CCDC40: variants seen among roughly 807,000 people sequenced by gnomAD.
CCDC40 encodes coiled-coil domain-containing protein 40.
A neutral mutation model predicts 124.5 loss-of-function variants in CCDC40; 104 were observed. That is an observed-to-expected ratio of 0.84 (90% confidence interval 0.71 to 0.98). The LOEUF is 0.98. Among genes scored for constraint, CCDC40 ranks in the 50% least tolerant of loss-of-function variants. The pLI is 0.00. For missense variants in CCDC40, 1,463 were observed against 1,503.9 expected (o/e 0.97, Z 0.45); for synonymous variants, 580 against 602.9 (o/e 0.96, Z 0.56).
At chr17:80,089,090 C>G (rs975462329) in intron 16 of CCDC40, among the ~76,000 whole-genome samples, 4 of 152,230 alleles carry the variant, frequency 2.6e-5, no homozygotes, top group Non-Finnish European at 5.9e-5. Context: ...CTTCACTTCC[C>G]AGAAAACCAA....
chr17:80,042,616 T>G (rs1233055296), intron 3 of CCDC40, among the ~76,000 whole-genome samples: 1 of 152,236 alleles, frequency 6.6e-6, no homozygotes, highest in African/African-American at 2.4e-5. Flanking sequence ...AAAAAGACAG[T>G]TAACTTCTTC....
chr17:80,099,803 GC>G lies in CCDC40; in HGVS notation c.*30del. On this transcript the variant is annotated 3_prime_UTR_variant, in exon 20 of 20. Coordinates refer to ENST00000397545, the MANE Select transcript of CCDC40 (RefSeq NM_017950.4). The stretch of plus-strand genomic sequence containing the variant: ...AGCAGCCTGGACTCCGCCTTGCAAG[GC>G]CTCCAGGAAGAGATCCGGAATTGTG... 1 of 1,610,140 alleles carries G rather than the reference GC, an allele frequency of 6.2e-7. No individual in the cohort carries two copies. Among genetic ancestry groups the G allele is most frequent in the Non-Finnish European group, 8.5e-7 (1 of 1,179,364 alleles).
chr17:80,087,533 C>A lies in CCDC40; in HGVS notation c.2450-74C>A. On this transcript the variant is annotated intron_variant, in intron 14 of 19. Transcript: ENST00000397545. This position sits in a 1 kb window ranked among gnomAD's most constrained non-coding sequence, Gnocchi z 4.5. ...GAGAGACAAAACCTGGCTCACCTCT[C>A]GGACACTGCTGCCTGCGGGCGAGGA... 8.0e-7 allele frequency: 1 copy of A among 1,248,744 alleles called. No individual in the cohort carries two copies. The highest frequency in any genetic ancestry group is 1.2e-6 in the Non-Finnish European group (1 of 857,296). 77.4% of individuals were successfully genotyped at this position (1,248,744 alleles called of 1,614,324 possible).
chr17:80,042,441 C>T (rs1484995000), intron 3 of CCDC40, among the ~76,000 whole-genome samples: 1 of 152,056 alleles, frequency 6.6e-6, no homozygotes, highest in African/African-American at 2.4e-5. Flanking sequence ...TTTTTGATGC[C>T]ATTATAAATG....
At chr17:80,071,195 G>A (rs1436510861) in intron 10 of CCDC40, among the ~76,000 whole-genome samples, 1 of 152,180 alleles carries the variant, frequency 6.6e-6, no homozygotes, top group Non-Finnish European at 1.5e-5. Flanking sequence ...ATTCACACAC[G>A]CCTGGGACTT....
intron 4 of CCDC40, among the ~76,000 whole-genome samples, chr17:80,047,791 T>C (rs2037467790): frequency 6.6e-6 from 1 of 152,162 alleles, no homozygotes; most frequent in East Asian, 1.9e-4. Context: ...ACCCCAGGCC[T>C]GAATCTGTCT....
At chr17:80,090,055 G>A (rs2038670220) in intron 17 of CCDC40, 171 bp downstream of exon 17, 4 of 1,537,108 alleles carry the variant, frequency 2.6e-6, no homozygotes, top group African/African-American at 1.4e-5. Flanking sequence ...CTCCAGCAGA[G>A]TGACCTGCAC....
At chr17:80,070,545 G>C (rs551493616) in intron 10 of CCDC40, among the ~76,000 whole-genome samples, 3 of 152,314 alleles carry the variant, frequency 2.0e-5, no homozygotes, top group Non-Finnish European at 4.4e-5. Context: ...AGGCTGCAGT[G>C]AACTGTGATT....
intron 10 of CCDC40, among the ~76,000 whole-genome samples, chr17:80,080,680 C>T (rs868737648): frequency 6.6e-6 from 1 of 152,202 alleles, no homozygotes; most frequent in African/African-American, 2.4e-5. Flanking sequence ...CCTAGCCCAA[C>T]GTCTGACCCA....
In CCDC40 at chr17:80,093,812, C is replaced by G. The variant is rs2038760078; in HGVS notation, c.2833-1451C>G. Among the ~76,000 whole-genome samples, 9 of 152,176 alleles carry G rather than the reference C, an allele frequency of 5.9e-5. No individual in the cohort carries two copies. In the South Asian group the frequency reaches 1.9e-3, roughly 31 times the overall value. ...TACAGGCGTGAGCCACCGCACCCGG[C>G]CTGTTTTCTTATTTCTTAACATTTT... is the stretch of plus-strand genomic sequence containing the variant. On this transcript the variant is annotated intron_variant, in intron 17 of 19. Coordinates refer to ENST00000397545, the MANE Select transcript of CCDC40 (RefSeq NM_017950.4).
At position 80,084,804 on chromosome 17, in the gene CCDC40, C is replaced by T. The variant is rs200542971; in HGVS notation, c.2051C>T (p.Thr684Ile). 8 of 1,614,176 alleles carry T rather than the reference C, an allele frequency of 5.0e-6. No individual in the cohort carries two copies. Among genetic ancestry groups the T allele is most frequent in the Admixed American group, 3.3e-5 (2 of 60,026 alleles). The stretch of plus-strand genomic sequence containing the variant: ...CAGACCACCCTGGACATCACACACA[C>T]CAGCAGCAGGCTGGACGCACACCAG... ...IAQTTLDITHTSSRLDAHQKT... is the reference protein window; with the variant it reads ...IAQTTLDITHISSRLDAHQKT... Residue 684 changes from threonine to isoleucine, a missense_variant, in exon 13 of 20, where the codon ACC becomes ATC. Coordinates refer to ENST00000397545, the MANE Select transcript of CCDC40 (RefSeq NM_017950.4).
intron 9 of CCDC40, among the ~76,000 whole-genome samples, chr17:80,060,946 A>C (rs1327413266): frequency 1.3e-5 from 2 of 152,256 alleles, no homozygotes; most frequent in Non-Finnish European, 2.9e-5. Flanking sequence ...TCAAGTATTT[A>C]AATGGGGGAA....
chr17:80,057,911 T>C (rs2037793274), intron 7 of CCDC40, among the ~76,000 whole-genome samples: 1 of 152,072 alleles, frequency 6.6e-6, no homozygotes, highest in Non-Finnish European at 1.5e-5. Flanking sequence ...ATGCAAGTTT[T>C]GTTAAAGGAA....
intron 16 of CCDC40, 62 bp from the exon 17 acceptor site, chr17:80,089,698 TGTGA>T: frequency 6.3e-7 from 1 of 1,591,350 alleles, no homozygotes; most frequent in Non-Finnish European, 8.6e-7. Flanking sequence ...AGCCTTAGAG[TGTGA>T]GCTCACCGAA....
chr17:80,045,757 T>TA (rs1180460115), intron 3 of CCDC40, among the ~76,000 whole-genome samples: 1 of 151,026 alleles, frequency 6.6e-6, no homozygotes, highest in Admixed American at 6.6e-5. Context: ...GGAAAGGCAT[T>TA]AAGGGGAGGG....
At position 80,058,723 on chromosome 17, in the gene CCDC40, C is replaced by T; in HGVS notation, c.1317+72C>T. ...GCTTCAAAAAGGGGCTCAGCTTTGCCTCCTGCGTGAAGGCTTCCGGCCGGA... is the reference window on the plus strand; with the variant it reads ...GCTTCAAAAAGGGGCTCAGCTTTGCTTCCTGCGTGAAGGCTTCCGGCCGGA... On this transcript the variant is annotated intron_variant, in intron 8 of 19. Transcript: ENST00000397545. This position sits in a 1 kb window ranked among gnomAD's most constrained non-coding sequence, Gnocchi z 4.2. 6.2e-7 allele frequency: 1 copy of T among 1,605,436 alleles called. No homozygotes were observed. Among genetic ancestry groups the T allele is most frequent in the Admixed American group, 1.7e-5 (1 of 59,974 alleles).
intron 9 of CCDC40, among the ~76,000 whole-genome samples, chr17:80,062,092 A>G (rs1354855722): frequency 6.6e-6 from 1 of 152,044 alleles, no homozygotes; most frequent in Non-Finnish European, 1.5e-5. Flanking sequence ...CCTGGGTGAC[A>G]GAGTGAAACC....
At chr17:80,037,967 A>G (rs766429335) in intron 1 of CCDC40, 156 bp from the exon 2 acceptor site, 16 of 645,710 alleles carry the variant, frequency 2.5e-5, no homozygotes, top group Non-Finnish European at 4.1e-5. Context: ...ATATAGTGCT[A>G]TGGTTCCTGA....
chr17:80,055,404 A>G (rs1034861186), intron 7 of CCDC40, among the ~76,000 whole-genome samples: 1 of 152,268 alleles, frequency 6.6e-6, no homozygotes, highest in Admixed American at 6.5e-5. Context: ...AGGAATTACA[A>G]TTTTTAAAAA....
Sources: gnomAD v4.1 joint callset for allele counts (sites outside exome capture counted in the v4.1 genomes callset) on GRCh38, gnomAD v4.1.1 for gene constraint, Gnocchi (gnomAD v3.1) non-coding constraint, MANE v1.5 for transcripts, NCBI Gene and HGNC (gene_info 2026-07-23, HGNC 2026-07-21) for gene names.